The following NPAS2 variants were observed in gnomAD, a reference collection of about 807,000 sequenced individuals.
NPAS2 encodes neuronal PAS domain-containing protein 2.
A neutral mutation model predicts 107.5 loss-of-function variants in NPAS2; 23 were observed. The ratio of observed to expected loss-of-function variants is 0.21; its 90% CI spans 0.15 to 0.30. The LOEUF is 0.30. Ranked by LOEUF, NPAS2 falls within the 10% of genes least tolerant of loss-of-function variation. The pLI is 1.00. For synonymous variants in NPAS2, 403 were observed against 417.5 expected, an observed-to-expected ratio of 0.97 and a Z score of 0.42; for missense variants, 756 against 1,043.3, an observed-to-expected ratio of 0.72 and a Z score of 3.79.
intron 13 of NPAS2, 118 bp downstream of exon 13, chr2:100,975,062 CCGTGCAGTTTATA>C (rs1236059698): frequency 2.0e-5 from 22 of 1,121,798 alleles, no homozygotes; most frequent in Non-Finnish European, 2.5e-5. Flanking sequence ...ACAGAGGTTG[CCGTGCAGTTTATA>C]CTCCTCCTTT....
At chr2:100,893,310 G>A (rs1345700253) in intron 1 of NPAS2, among the ~76,000 whole-genome samples, 2 of 152,222 alleles carry the variant, frequency 1.3e-5, no homozygotes, top group Non-Finnish European at 1.5e-5. Flanking sequence ...CACTCTGTCA[G>A]CAATAAATAA....
intron 1 of NPAS2, among the ~76,000 whole-genome samples, chr2:100,822,423 C>T (rs1276264151): frequency 1.3e-5 from 2 of 152,116 alleles, no homozygotes; most frequent in Admixed American, 1.3e-4. Context: ...TGATGAAAAT[C>T]GTTAAAGATA....
intron 1 of NPAS2, among the ~76,000 whole-genome samples, chr2:100,828,866 T>C (rs770605885): frequency 1.3e-5 from 2 of 152,204 alleles, no homozygotes; most frequent in African/African-American, 4.8e-5. Flanking sequence ...TTAGGATTCC[T>C]TTGGCTATTC....
At chr2:100,823,221 G>A (rs1676178831) in intron 1 of NPAS2, among the ~76,000 whole-genome samples, 1 of 152,110 alleles carries the variant, frequency 6.6e-6, no homozygotes, top group South Asian at 2.1e-4. Flanking sequence ...GTATCTCAGG[G>A]CACTAAATAA....
chr2:100,937,322 C>T (rs142318443), intron 4 of NPAS2, among the ~76,000 whole-genome samples: 1 of 152,302 alleles, frequency 6.6e-6, no homozygotes, highest in East Asian at 1.9e-4. Flanking sequence ...TCTGTTAGGT[C>T]TGATACCTTT....
chr2:100,867,807 C>CT (rs1397701185), intron 1 of NPAS2, among the ~76,000 whole-genome samples: 1 of 152,112 alleles, frequency 6.6e-6, no homozygotes, highest in African/African-American at 2.4e-5. Context: ...TCCCAAAGTG[C>CT]TGGGACTACA....
chr2:100,957,840 A>G (rs1675666716), intron 7 of NPAS2, among the ~76,000 whole-genome samples: 2 of 152,196 alleles, frequency 1.3e-5, no homozygotes, highest in Non-Finnish European at 2.9e-5. Flanking sequence ...AGGCAGGAGA[A>G]TGGCGTGAAC....
intron 1 of NPAS2, chr2:100,878,003 G>A (rs887975254): frequency 5.1e-5 from 50 of 985,400 alleles, no homozygotes; most frequent in East Asian, 1.1e-4. Flanking sequence ...TATCAGTTAC[G>A]TGTGGTATAG....
At position 100,932,971 on chromosome 2, in the gene NPAS2, T is replaced by C; in HGVS notation, c.243T>C (p.Ser81=). The change falls in exon 4 of 21, where the codon AGT becomes AGC. Residue 81 remains serine (S), a synonymous_variant. Coordinates refer to ENST00000335681, the MANE Select transcript of NPAS2 (RefSeq NM_002518.4). ...IQQDWKPSFL[S]NEEFTQLMLE... ...AAGACTGGAAGCCTTCATTCCTCAGTAATGAAGAATTCACCCAGCTGATGT... is the reference window on the plus strand; with the variant it reads ...AAGACTGGAAGCCTTCATTCCTCAGCAATGAAGAATTCACCCAGCTGATGT... 6.2e-7 allele frequency: 1 copy of C among 1,613,652 alleles called. No individual in the cohort carries two copies. The highest frequency in any genetic ancestry group is 8.5e-7 in the Non-Finnish European group (1 of 1,179,504).
intron 1 of NPAS2, among the ~76,000 whole-genome samples, chr2:100,866,861 A>G: frequency 6.6e-6 from 1 of 152,230 alleles, no homozygotes; most frequent in Non-Finnish European, 1.5e-5. Context: ...TAGGAGTTGT[A>G]GCTTCTATAC....
Position 100,975,468 on chromosome 2 carries a change from C to A in NPAS2, c.1293C>A (p.Thr431=), listed in dbSNP as rs755321543. Residue 431 remains threonine, a synonymous_variant, in exon 14 of 21, where the codon ACC becomes ACA. Transcript: ENST00000335681. ...TAMSEPTSTP[T]KLMAEASTPA... is the part of the protein sequence containing the mutation. ...GTTGCTTTCTTACAGCCACTCCCAC[C>A]AAGCTGATGGCAGAGGCCAGCACCC... The A allele has an allele frequency of 6.2e-6, 10 of 1,612,468 alleles. No homozygotes were observed. The highest frequency in any genetic ancestry group is 1.7e-5 in the Admixed American group (1 of 59,814).
chr2:100,949,811 C>T (rs1391512557), intron 7 of NPAS2, among the ~76,000 whole-genome samples: 1 of 152,186 alleles, frequency 6.6e-6, no homozygotes, highest in Non-Finnish European at 1.5e-5. Context: ...AACAGGCCTT[C>T]GTGGTGACTT....
At chr2:100,862,610 G>C (rs1021084498) in intron 1 of NPAS2, among the ~76,000 whole-genome samples, 15 of 152,180 alleles carry the variant, frequency 9.9e-5, no homozygotes, top group African/African-American at 3.1e-4. Context: ...TTCCTCAGTA[G>C]ACTAGAAAAG....
chr2:100,977,743 A>C lies in NPAS2; in HGVS notation c.1426A>C (p.Thr476Pro). 6.2e-7 allele frequency: 1 copy of C among 1,614,052 alleles called. No homozygotes were observed. Among genetic ancestry groups the C allele is most frequent in the Non-Finnish European group, 8.5e-7 (1 of 1,180,002 alleles). ...GCCTTCCCCATCGTCCTGCGACCTCACACAGCAGCTCCTGCCTCAGACCGT... is the reference window on the plus strand; with the variant it reads ...GCCTTCCCCATCGTCCTGCGACCTCCCACAGCAGCTCCTGCCTCAGACCGT... ...PLPSPSSCDL[T>P]QQLLPQTVLQ... The change falls in exon 15 of 21, where the codon ACA becomes CCA. Residue 476 changes from threonine (T) to proline (P), a missense_variant. By Grantham distance (38) the Thr-to-Pro change is conservative. Around this residue, in one of 4 missense-constraint regions of NPAS2, gnomAD observed 496 missense variants for 594.4 expected, o/e 0.83. Coordinates refer to ENST00000335681, the MANE Select transcript of NPAS2 (RefSeq NM_002518.4).
chr2:100,870,194 T>G (rs1426751481), intron 1 of NPAS2, among the ~76,000 whole-genome samples: 1 of 151,560 alleles, frequency 6.6e-6, no homozygotes, highest in Non-Finnish European at 1.5e-5. Flanking sequence ...CCACCGCACC[T>G]GGCCCAGACT....
At chr2:100,945,905 A>G (rs947084701) in intron 5 of NPAS2, among the ~76,000 whole-genome samples, 2 of 152,178 alleles carry the variant, frequency 1.3e-5, no homozygotes, top group Non-Finnish European at 2.9e-5. Context: ...AATGCCTGTC[A>G]TAGTGCTGGC....
At chr2:100,900,829 CGATGGT>C (rs1558854919) in intron 1 of NPAS2, among the ~76,000 whole-genome samples, 2 of 152,010 alleles carry the variant, frequency 1.3e-5, no homozygotes, top group Admixed American at 1.3e-4. Context: ...TATGGTATGC[CGATGGT>C]GATTTTCTTT....
In NPAS2 at chr2:100,925,241, T is replaced by C; in HGVS notation, c.128T>C (p.Met43Thr). Reference sequence around the variant, plus strand: ...ATGCTCCCTGGCAACACGCGGAAAATGGACAAAACCACCGTGTTGGAAAAG... The same window carrying C: ...ATGCTCCCTGGCAACACGCGGAAAACGGACAAAACCACCGTGTTGGAAAAG... ...SSMLPGNTRK[M>T]DKTTVLEKVI... is the part of the protein sequence containing the mutation. Residue 43 changes from methionine to threonine, a missense_variant, in exon 3 of 21, where the codon ATG becomes ACG. This residue lies in a region of NPAS2 where 146 missense variants were observed against 249.6 expected (regional missense o/e 0.58). Coordinates refer to ENST00000335681, the MANE Select transcript of NPAS2 (RefSeq NM_002518.4). The C allele has an allele frequency of 2.5e-6, 4 of 1,614,030 alleles. No homozygotes were observed. Among genetic ancestry groups the C allele is most frequent in the Non-Finnish European group, 3.4e-6 (4 of 1,180,010 alleles).
chr2:100,840,114 G>A (rs1038438505), intron 1 of NPAS2, among the ~76,000 whole-genome samples: 5 of 152,022 alleles, frequency 3.3e-5, no homozygotes, highest in African/African-American at 1.2e-4. Context: ...TGCTGCCCTG[G>A]AACACCCTTC....
Sources: allele counts gnomAD v4.1 joint callset (sites outside exome capture counted in the v4.1 genomes callset), GRCh38; gene constraint gnomAD v4.1.1; regional missense constraint gnomAD v4.1.1; transcripts MANE v1.5; gene names NCBI Gene and HGNC (gene_info 2026-07-23, HGNC 2026-07-21).